Variants in CLDN11 observed in about 807,000 individuals in gnomAD.
The protein encoded by CLDN11 is claudin 11.
In CLDN11, 1 loss-of-function variant was observed where a neutral mutation model predicts 18.0. The observed-to-expected ratio is 0.06, with a 90% CI of 0.02 to 0.26. CLDN11 has a LOEUF of 0.26. Ranked by LOEUF, CLDN11 falls within the 10% of genes least tolerant of loss-of-function variation. CLDN11 has a pLI of 1.00. For synonymous variants in CLDN11, 116 were observed against 121.5 expected (o/e 0.96, Z 0.30); for missense variants, 172 against 276.6 (o/e 0.62, Z 2.68).
rs146305614 is a variant in CLDN11, at chr3:170,426,602, C to G, written c.391+3275C>G. Reference sequence around the variant, plus strand: ...CCCTTCCATAAAATGGGAACAATAACGCCTGCTTCTCAGGTTAGTAAAAAC... The same window carrying G: ...CCCTTCCATAAAATGGGAACAATAAGGCCTGCTTCTCAGGTTAGTAAAAAC... On this transcript the variant is annotated intron_variant, in intron 2 of 2. Transcript: ENST00000064724. Among the ~76,000 whole-genome samples, 576 of 152,234 alleles carry G rather than the reference C, an allele frequency of 3.8e-3. 3 individuals carry two copies. Among genetic ancestry groups the G allele is most frequent in the African/African-American group, 0.013 (536 of 41,524 alleles).
chr3:170,420,841 A>G (rs1234737234), intron 1 of CLDN11, among the ~76,000 whole-genome samples: 1 of 152,156 alleles, frequency 6.6e-6, no homozygotes, highest in African/African-American at 2.4e-5. Context: ...AGGGGGGACA[A>G]ATTGCTAGCC....
In CLDN11 at chr3:170,427,534, T is replaced by A. The variant is rs549018415; in HGVS notation, c.391+4207T>A. On this transcript the variant is annotated intron_variant, in intron 2 of 2. Coordinates refer to ENST00000064724, the MANE Select transcript of CLDN11 (RefSeq NM_005602.6). ...TACTTGGGAGGCTGAGGCAGGAGAATCACTTGAACCCAGGAGGCAGAGGTT... is the reference window on the plus strand; with the variant it reads ...TACTTGGGAGGCTGAGGCAGGAGAAACACTTGAACCCAGGAGGCAGAGGTT... 3.3e-5 allele frequency among the ~76,000 whole-genome samples: 5 copies of A among 152,070 alleles called. No homozygotes were observed. The South Asian group carries it at 1.0e-3, about 32-fold the overall frequency.
chr3:170,426,603 G>T lies in CLDN11; in HGVS notation c.391+3276G>T, dbSNP rs374608617. Among the ~76,000 whole-genome samples, 117 of 152,290 alleles carry T rather than the reference G, an allele frequency of 7.7e-4. 1 individual carries two copies. The highest frequency in any genetic ancestry group is 2.7e-3 in the African/African-American group (112 of 41,552). The stretch of plus-strand genomic sequence containing the variant: ...CCTTCCATAAAATGGGAACAATAAC[G>T]CCTGCTTCTCAGGTTAGTAAAAACA... On this transcript the variant is annotated intron_variant, in intron 2 of 2. Coordinates refer to ENST00000064724, the MANE Select transcript of CLDN11 (RefSeq NM_005602.6).
rs1738675097 is a variant in CLDN11 at position 170,419,723 on chromosome 3, C to G, written c.226+431C>G. Among the ~76,000 whole-genome samples, 1 of 152,242 alleles carries G rather than the reference C, an allele frequency of 6.6e-6. No individual in the cohort carries two copies. Among genetic ancestry groups the G allele is most frequent in the Admixed American group, 6.5e-5 (1 of 15,290 alleles). ...CAGAGGTGAGAAGGAGCGTGTAACA[C>G]AAGCTGACAGGAGAATCGAACCGGC... is the stretch of plus-strand genomic sequence containing the variant. On this transcript the variant is annotated intron_variant, in intron 1 of 2. Coordinates refer to ENST00000064724, the MANE Select transcript of CLDN11 (RefSeq NM_005602.6). This position sits in a 1 kb window ranked among gnomAD's most constrained non-coding sequence, Gnocchi z 8.6.
intron 2 of CLDN11, among the ~76,000 whole-genome samples, chr3:170,427,598 G>T (rs1365402112): frequency 1.3e-5 from 2 of 151,982 alleles, no homozygotes; most frequent in Non-Finnish European, 2.9e-5. Context: ...TCCAGCCTGG[G>T]CAACGAGAGC....
Position 170,418,941 on chromosome 3 carries a change from TC to T in CLDN11, c.-123del. 7.0e-6 allele frequency: 5 copies of T among 709,296 alleles called. No individual in the cohort carries two copies. The South Asian group carries it at 9.1e-5, about 13-fold the overall frequency. The allele number at this position is 709,296 out of a possible 1,614,324, so 43.9% of individuals were successfully genotyped here. Reference sequence around the variant, plus strand: ...CCGGCGCCCACCTCCACCTCCAGTGTCCCGCCTCGGGCCGTCGCCCTCCAGC... The same window carrying T: ...CCGGCGCCCACCTCCACCTCCAGTGTCCGCCTCGGGCCGTCGCCCTCCAGC... On this transcript the variant is annotated 5_prime_UTR_variant, in exon 1 of 3. Transcript: ENST00000064724. This position sits in a 1 kb window ranked among gnomAD's most constrained non-coding sequence, Gnocchi z 4.3.
chr3:170,421,200 C>T (rs1738715126), intron 1 of CLDN11: 6 of 800,482 alleles, frequency 7.5e-6, no homozygotes, highest in Non-Finnish European at 9.1e-6. Context: ...TTCCCCCTCC[C>T]TCATACTTTG....
At chr3:170,422,083 A>G (rs1042877758) in intron 1 of CLDN11, among the ~76,000 whole-genome samples, 1 of 152,218 alleles carries the variant, frequency 6.6e-6, no homozygotes, top group Non-Finnish European at 1.5e-5. Context: ...TGGGTGAGGC[A>G]GGAGATGGGG....
intron 1 of CLDN11, chr3:170,421,232 CT>C (rs1262324702): frequency 2.0e-6 from 2 of 979,028 alleles, no homozygotes; most frequent in Non-Finnish European, 2.4e-6. Flanking sequence ...GAACAGTCCT[CT>C]GTCCCTATCT....
Position 170,419,403 on chromosome 3 carries a change from G to T in CLDN11, c.226+111G>T. 1.4e-6 allele frequency: 1 copy of T among 724,840 alleles called. No individual in the cohort carries two copies. Among genetic ancestry groups the T allele is most frequent in the Non-Finnish European group, 2.3e-6 (1 of 444,278 alleles). The allele number at this position is 724,840 out of a possible 1,614,324, so 44.9% of individuals were successfully genotyped here. ...TGGGGGCTTGAAGACCTTTGGGTACGTTTTTGACATCCCTAGTCCCACCTT... is the reference window on the plus strand; with the variant it reads ...TGGGGGCTTGAAGACCTTTGGGTACTTTTTTGACATCCCTAGTCCCACCTT... On this transcript the variant is annotated intron_variant, in intron 1 of 2. Transcript: ENST00000064724. The surrounding 1 kb of genome is among the most constrained non-coding windows in gnomAD (Gnocchi z 8.6).
chr3:170,422,979 T>C (rs763864430), intron 1 of CLDN11, 184 bp from the exon 2 acceptor site: 11 of 635,054 alleles, frequency 1.7e-5, no homozygotes, highest in Admixed American at 2.9e-5. Flanking sequence ...GCCCCCTTTT[T>C]TCTTGCTGAG....
At chr3:170,423,060 CAAG>C in intron 1 of CLDN11, 100 bp from the exon 2 acceptor site, 1 of 1,284,812 alleles carries the variant, frequency 7.8e-7, no homozygotes, top group South Asian at 1.2e-5. Flanking sequence ...TGGAATCCAC[CAAG>C]AAGGAGGAAG....
Position 170,423,157 on chromosome 3 carries a change from T to C in CLDN11, c.227-6T>C. On this transcript the variant is annotated splice_region_variant and splice_polypyrimidine_tract_variant and intron_variant, in intron 1 of 2. Transcript: ENST00000064724. ...TAACCTTTCCCATCTGCTCTCTTGTTCCCAGGCTACGTGCAGGCCTGCCGC... is the reference window on the plus strand; with the variant it reads ...TAACCTTTCCCATCTGCTCTCTTGTCCCCAGGCTACGTGCAGGCCTGCCGC... The C allele has an allele frequency of 6.2e-7, 1 of 1,614,178 alleles. No individual in the cohort carries two copies. The highest frequency in any genetic ancestry group is 2.2e-5 in the East Asian group (1 of 44,878).
intron 1 of CLDN11, 40 bp from the exon 2 acceptor site, chr3:170,423,123 C>G: frequency 6.2e-7 from 1 of 1,611,032 alleles, no homozygotes; most frequent in Non-Finnish European, 8.5e-7. Flanking sequence ...GCAAGAGAAC[C>G]CTGTGGTCTA....
At chr3:170,420,347 G>T (rs1358271545) in intron 1 of CLDN11, among the ~76,000 whole-genome samples, 1 of 152,160 alleles carries the variant, frequency 6.6e-6, no homozygotes, top group Admixed American at 6.5e-5. Flanking sequence ...CTCACTTAAA[G>T]GATTTTCCCG....
At position 170,433,129 on chromosome 3, in the gene CLDN11, A is replaced by C. The variant is rs1384333373; in HGVS notation, c.*373A>C. ...GGGGTGGGGAAGAGAAATACAAGATACTTTTTTTTTTTTTTTTTTTTTTTT... is the reference window on the plus strand; with the variant it reads ...GGGGTGGGGAAGAGAAATACAAGATCCTTTTTTTTTTTTTTTTTTTTTTTT... On this transcript the variant is annotated 3_prime_UTR_variant, in exon 3 of 3. Transcript: ENST00000064724. 6 of 104,712 alleles carry C rather than the reference A, an allele frequency of 5.7e-5. No homozygotes were observed. The highest frequency in any genetic ancestry group is 1.1e-4 in the Admixed American group (1 of 9,138). 6.5% of individuals were successfully genotyped at this position (104,712 alleles called of 1,614,324 possible).
chr3:170,425,717 G>A (rs60166635), intron 2 of CLDN11, among the ~76,000 whole-genome samples: 1,829 of 152,218 alleles, frequency 0.012, 49 homozygotes, highest in African/African-American at 0.042. Context: ...GCCCATTTCC[G>A]GACACTCACC....
At chr3:170,429,775 C>G (rs890717551) in intron 2 of CLDN11, among the ~76,000 whole-genome samples, 3 of 152,162 alleles carry the variant, frequency 2.0e-5, no homozygotes, top group Non-Finnish European at 4.4e-5. Flanking sequence ...AGTTTCTTGT[C>G]TTATTCTATA....
intron 2 of CLDN11, among the ~76,000 whole-genome samples, chr3:170,430,667 C>T (rs958625523): frequency 4.3e-4 from 65 of 152,020 alleles, no homozygotes; most frequent in African/African-American, 1.5e-3. Flanking sequence ...CCTCAGCCTC[C>T]TGAGTAGCTG....
Sources: gnomAD v4.1 joint callset for allele counts (sites outside exome capture counted in the v4.1 genomes callset) on GRCh38, gnomAD v4.1.1 for gene constraint, Gnocchi (gnomAD v3.1) non-coding constraint, MANE v1.5 for transcripts, NCBI Gene and HGNC (gene_info 2026-07-23, HGNC 2026-07-21) for gene names.